Variants in RNF220 observed in about 807,000 individuals in gnomAD.
The protein encoded by RNF220 is E3 ubiquitin-protein ligase RNF220.
RNF220 carries 7 observed loss-of-function variants against 67.1 expected under a neutral mutation model. The observed-to-expected ratio is 0.10, with a 90% CI of 0.06 to 0.20. The LOEUF (loss-of-function observed/expected upper bound fraction) is 0.20. Among genes scored for constraint, RNF220 ranks in the 10% least tolerant of loss-of-function variants. The probability of loss-of-function intolerance (pLI) is 1.00; values close to 1 mark genes in which losing one functional copy is unlikely to be tolerated. For missense variants in RNF220, 565 were observed against 740.3 expected (o/e 0.76, Z 2.75); for synonymous variants, 270 against 283.2 (o/e 0.95, Z 0.47).
intron 2 of RNF220, among the ~76,000 whole-genome samples, chr1:44,464,630 T>C (rs775111118): frequency 5.3e-5 from 8 of 152,200 alleles, no homozygotes; most frequent in Non-Finnish European, 1.2e-4. Flanking sequence ...TGAGCTAATA[T>C]GCCACAATAG....
chr1:44,551,725 G>A (rs575576561), intron 2 of RNF220, among the ~76,000 whole-genome samples: 21 of 152,172 alleles, frequency 1.4e-4, no homozygotes, highest in African/African-American at 4.8e-4. Flanking sequence ...CCTCCCATTG[G>A]TCTCCCCACC....
chr1:44,458,157 G>A (rs1421244058), intron 2 of RNF220, among the ~76,000 whole-genome samples: 1 of 151,978 alleles, frequency 6.6e-6, no homozygotes, highest in Non-Finnish European at 1.5e-5. Flanking sequence ...CAGCTACTTA[G>A]GAGGCTGAGG....
intron 2 of RNF220, among the ~76,000 whole-genome samples, chr1:44,599,930 G>A (rs1666800117): frequency 6.6e-6 from 1 of 152,176 alleles, no homozygotes; most frequent in African/African-American, 2.4e-5. Context: ...TAACTGTAGG[G>A]ATGGAATAGA....
intron 2 of RNF220, among the ~76,000 whole-genome samples, chr1:44,524,802 G>A (rs1401625516): frequency 1.3e-5 from 2 of 152,094 alleles, no homozygotes; most frequent in African/African-American, 4.8e-5. Flanking sequence ...TATTATGGGC[G>A]CAAATTTGGC....
chr1:44,423,536 C>G (rs1649442978), intron 2 of RNF220, among the ~76,000 whole-genome samples: 1 of 152,128 alleles, frequency 6.6e-6, no homozygotes, highest in Non-Finnish European at 1.5e-5. Flanking sequence ...CTATCTTAAC[C>G]ACCAGAGGAC....
At chr1:44,418,865 A>G (rs1291875649) in intron 2 of RNF220, among the ~76,000 whole-genome samples, 2 of 152,192 alleles carry the variant, frequency 1.3e-5, no homozygotes, top group Non-Finnish European at 1.5e-5. Flanking sequence ...GAGTGACAGC[A>G]TATTTAATGG....
In RNF220 at chr1:44,442,299, C is replaced by T. The variant is rs147861623; in HGVS notation, c.625+29577C>T. On this transcript the variant is annotated intron_variant, in intron 2 of 14. Coordinates refer to ENST00000361799, the MANE Select transcript of RNF220 (RefSeq NM_018150.4). ...CTGGGACTTCAGGTGTGCGCCACCA[C>T]GCCTAGTTAATTTTTGTATTTTTGG... Among the ~76,000 whole-genome samples, 1,005 of 152,006 alleles carry T rather than the reference C, an allele frequency of 6.6e-3. 11 individuals carry two copies. The highest frequency in any genetic ancestry group is 0.017 in the Middle Eastern group (5 of 294).
chr1:44,649,625 C>T lies in RNF220; in HGVS notation c.1446-36C>T. 1 of 1,595,186 alleles carries T rather than the reference C, an allele frequency of 6.3e-7. No homozygotes were observed. Among genetic ancestry groups the T allele is most frequent in the Non-Finnish European group, 8.6e-7 (1 of 1,163,162 alleles). On this transcript the variant is annotated intron_variant, in intron 12 of 14. Transcript: ENST00000361799. This position sits in a 1 kb window ranked among gnomAD's most constrained non-coding sequence, Gnocchi z 5.9. ...AGGCTGGAGGTACAGATGAGAGATG[C>T]CAGCCTGCTACCCAACCATGCCTTC...
intron 2 of RNF220, among the ~76,000 whole-genome samples, chr1:44,591,481 G>T (rs891424225): frequency 1.3e-5 from 2 of 152,186 alleles, no homozygotes; most frequent in African/African-American, 4.8e-5. Context: ...CTGAGTCTTG[G>T]TTTTATTCTT....
Position 44,645,175 on chromosome 1 carries a change from C to T in RNF220, c.1311-46C>T. 1 of 1,613,740 alleles carries T rather than the reference C, an allele frequency of 6.2e-7. No individual in the cohort carries two copies. Among genetic ancestry groups the T allele is most frequent in the Non-Finnish European group, 8.5e-7 (1 of 1,179,644 alleles). On this transcript the variant is annotated intron_variant, in intron 10 of 14. Transcript: ENST00000361799. The surrounding 1 kb of genome is among the most constrained non-coding windows in gnomAD (Gnocchi z 5.0). ...AGTACTGACCCTCAGGGCTGTCCTGCCCGCCTTCAGGCCTCACTTTGTTTT... is the reference window on the plus strand; with the variant it reads ...AGTACTGACCCTCAGGGCTGTCCTGTCCGCCTTCAGGCCTCACTTTGTTTT...
intron 2 of RNF220, among the ~76,000 whole-genome samples, chr1:44,562,665 G>T (rs1459031407): frequency 6.6e-6 from 1 of 152,126 alleles, no homozygotes; most frequent in Non-Finnish European, 1.5e-5. Flanking sequence ...TTGGTGCCTG[G>T]AGGAAATTGG....
intron 2 of RNF220, among the ~76,000 whole-genome samples, chr1:44,498,700 A>G (rs1231893212): frequency 6.6e-6 from 1 of 152,090 alleles, no homozygotes; most frequent in Non-Finnish European, 1.5e-5. Context: ...CAAACTTACT[A>G]TCATCAAGTC....
In RNF220 at chr1:44,632,405, T is replaced by TGCCCCCCC; in HGVS notation, c.949+20_949+21insGCCCCCCC. ...TGAATGGTGAGTCCTGCCCGGCCCC[T>TGCCCCCCC]CCCTCCGCCCCACCCCCGGCCTCCT... On this transcript the variant is annotated intron_variant, in intron 6 of 14. Coordinates refer to ENST00000361799, the MANE Select transcript of RNF220 (RefSeq NM_018150.4). The TGCCCCCCC allele has an allele frequency of 9.1e-7, 1 of 1,104,970 alleles. No homozygotes were observed. The highest frequency in any genetic ancestry group is 1.2e-6 in the Non-Finnish European group (1 of 863,464). The allele number at this position is 1,104,970 out of a possible 1,614,324, so 68.4% of individuals were successfully genotyped here.
intron 2 of RNF220, among the ~76,000 whole-genome samples, chr1:44,504,019 G>T (rs1812336): frequency 0.74 from 112,356 of 151,954 alleles, 42,058 homozygotes; most frequent in Non-Finnish European, 0.78. Context: ...CCAGCTAATT[G>T]TTTTTATTTT....
rs1667251282 is a variant in RNF220 at position 44,606,063 on chromosome 1, CT to C, written c.626-8100del. On this transcript the variant is annotated intron_variant, in intron 2 of 14. Transcript: ENST00000361799. The surrounding 1 kb of genome is among the most constrained non-coding windows in gnomAD (Gnocchi z 4.2). ...GCCTATTAATCCTGACAAATGATGA[CT>C]TACGAACATGTAATGCAAACTGATT... is the stretch of plus-strand genomic sequence containing the variant. Among the ~76,000 whole-genome samples, 1 of 152,220 alleles carries C rather than the reference CT, an allele frequency of 6.6e-6. No homozygotes were observed. Among genetic ancestry groups the C allele is most frequent in the Non-Finnish European group, 1.5e-5 (1 of 68,038 alleles).
intron 2 of RNF220, among the ~76,000 whole-genome samples, chr1:44,473,117 A>G (rs969143510): frequency 6.6e-6 from 1 of 152,134 alleles, no homozygotes. Flanking sequence ...GCAGAGGAAT[A>G]GCAGCCGTTT....
intron 2 of RNF220, among the ~76,000 whole-genome samples, chr1:44,601,320 T>G (rs1399981032): frequency 6.6e-6 from 1 of 152,012 alleles, no homozygotes; most frequent in African/African-American, 2.4e-5. Flanking sequence ...TGGAGCATCT[T>G]AGGTGAGAAG....
rs190579123 is a variant in RNF220, at chr1:44,412,080, C to T, written c.-18C>T. On this transcript the variant is annotated 5_prime_UTR_variant, in exon 2 of 15. Transcript: ENST00000361799. This position sits in a 1 kb window ranked among gnomAD's most constrained non-coding sequence, Gnocchi z 5.3. Reference sequence around the variant, plus strand: ...AAGACTGCTTCTTGCGTAACGCCGGCCACAGAAAGAGACTCCGATGGACTT... The same window carrying T: ...AAGACTGCTTCTTGCGTAACGCCGGTCACAGAAAGAGACTCCGATGGACTT... The T allele has an allele frequency of 3.1e-6, 5 of 1,593,528 alleles. No individual in the cohort carries two copies. In the East Asian group the frequency reaches 6.7e-5, roughly 21 times the overall value.
intron 8 of RNF220, among the ~76,000 whole-genome samples, chr1:44,640,952 G>A (rs1644471517): frequency 6.6e-6 from 1 of 152,092 alleles, no homozygotes; most frequent in South Asian, 2.1e-4. Flanking sequence ...CTCCTTTTTT[G>A]TGGTTTCAGG....
Sources: allele counts gnomAD v4.1 joint callset (sites outside exome capture counted in the v4.1 genomes callset), GRCh38; gene constraint gnomAD v4.1.1; non-coding constraint Gnocchi (gnomAD v3.1); transcripts MANE v1.5; gene names NCBI Gene and HGNC (gene_info 2026-07-23, HGNC 2026-07-21).